The following ISL2 variants were observed in gnomAD, a reference collection of about 807,000 sequenced individuals.
ISL2 encodes insulin gene enhancer protein ISL-2.
ISL2 carries 17 observed loss-of-function variants against 34.6 expected under a neutral mutation model. The observed-to-expected ratio is 0.49, with a 90% CI of 0.34 to 0.74. The LOEUF (loss-of-function observed/expected upper bound fraction) is 0.74. Among genes scored for constraint, ISL2 ranks in the 30% least tolerant of loss-of-function variants. The pLI is 0.01. For missense variants in ISL2, 469 were observed against 515.2 expected (o/e 0.91, Z 0.87); for synonymous variants, 232 against 225.5 (o/e 1.03, Z -0.26).
At position 76,340,398 on chromosome 15, in the gene ISL2, G is replaced by A. The variant is rs868732634; in HGVS notation, c.634G>A (p.Ala212Thr). Reference sequence around the variant, plus strand: ...GCACACTCTGCGGACCTGCTACGCCGCCAACCCGCGGCCCGACGCTCTCAT... The same window carrying A: ...GCACACTCTGCGGACCTGCTACGCCACCAACCCGCGGCCCGACGCTCTCAT... ...QLHTLRTCYA[A>T]NPRPDALMKE... Residue 212 changes from alanine (A) to threonine (T), a missense_variant, in exon 4 of 6, where the codon GCC (alanine) becomes ACC (threonine). Around this residue, in one of 3 missense-constraint regions of ISL2, gnomAD observed 297 missense variants for 337.8 expected, o/e 0.88. Transcript: ENST00000290759. The A allele has an allele frequency of 6.2e-7, 1 of 1,613,650 alleles. No individual in the cohort carries two copies. Among genetic ancestry groups the A allele is most frequent in the Non-Finnish European group, 8.5e-7 (1 of 1,179,980 alleles).
At position 76,341,286 on chromosome 15, in the gene ISL2, C is replaced by T. The variant is rs115363632; in HGVS notation, c.948C>T (p.Pro316=). 3.3e-5 allele frequency: 53 copies of T among 1,602,366 alleles called. No individual in the cohort carries two copies. In the East Asian group the frequency reaches 4.0e-4, roughly 12 times the overall value. Residue 316 remains proline, a synonymous_variant, in exon 5 of 6, where the codon CCC becomes CCT. Transcript: ENST00000290759. ...EFALQSDLDQ[P]AFQQLVSFSE... is the part of the protein sequence containing the mutation. Reference sequence around the variant, plus strand: ...CCCTCCAGAGCGACCTGGACCAACCCGCCTTCCAACAGCTGGTGAGGCCCT... The same window carrying T: ...CCCTCCAGAGCGACCTGGACCAACCTGCCTTCCAACAGCTGGTGAGGCCCT...
Position 76,337,927 on chromosome 15 carries a change from G to C in ISL2, c.208G>C (p.Val70Leu). 1 of 1,610,520 alleles carries C rather than the reference G, an allele frequency of 6.2e-7. No individual in the cohort carries two copies. The highest frequency in any genetic ancestry group is 2.2e-5 in the East Asian group (1 of 44,602). Reference protein sequence around the residue: ...QYLDETCTCFVRDGKTYCKRD... With the variant: ...QYLDETCTCFLRDGKTYCKRD... ...CCTGGACGAGACGTGCACGTGCTTC[G>C]TGAGAGACGGGAAGACCTACTGCAA... Residue 70 changes from valine to leucine, a missense_variant, in exon 2 of 6, where the codon GTG becomes CTG. By Grantham distance (32) the Val-to-Leu change is conservative. Around this residue, in one of 3 missense-constraint regions of ISL2, gnomAD observed 297 missense variants for 337.8 expected, o/e 0.88. Transcript: ENST00000290759.
chr15:76,338,955 G>C lies in ISL2; in HGVS notation c.511+441G>C, dbSNP rs576302861. 18 of 985,430 alleles carry C rather than the reference G, an allele frequency of 1.8e-5. No homozygotes were observed. In the East Asian group the frequency reaches 9.1e-4, roughly 50 times the overall value. 61.0% of individuals were successfully genotyped at this position (985,430 alleles called of 1,614,324 possible). ...CAAACTGGGAGCTGGGCAGGAGCTT[G>C]GTCAGCCAGGAGCCAAGAACCCAAC... On this transcript the variant is annotated intron_variant, in intron 3 of 5. Transcript: ENST00000290759.
chr15:76,339,826 C>T (rs563462724), intron 3 of ISL2: 1 of 1,001,784 alleles, frequency 1.0e-6, no homozygotes, highest in East Asian at 1.1e-4. Context: ...GCACCTCCCA[C>T]CCAGTCCCCT....
At chr15:76,340,237 G>GGCCC in intron 3 of ISL2, 39 bp from the exon 4 acceptor site, 1 of 1,499,958 alleles carries the variant, frequency 6.7e-7, no homozygotes, top group Non-Finnish European at 8.9e-7. Flanking sequence ...GGTGGGTGGC[G>GGCCC]GCCCCTCGCT....
chr15:76,341,560 C>T (rs1490992775), intron 5 of ISL2, among the ~76,000 whole-genome samples, 159 bp from the exon 6 acceptor site: 2 of 152,252 alleles, frequency 1.3e-5, no homozygotes, highest in Non-Finnish European at 2.9e-5. Flanking sequence ...CCTAATCCCC[C>T]CCTCGTGCGC....
chr15:76,339,747 A>C (rs1424637094), intron 3 of ISL2: 11 of 989,260 alleles, frequency 1.1e-5, no homozygotes, highest in Non-Finnish European at 1.2e-5. Flanking sequence ...TCTTCTACAC[A>C]TGTGGCCTGG....
At position 76,336,909 on chromosome 15, in the gene ISL2, C is replaced by T. The variant is rs148510226; in HGVS notation, c.26C>T (p.Pro9Leu). MVDIIFHYPFLGAMGDHSK... is the reference protein window; with the variant it reads MVDIIFHYLFLGAMGDHSK... ...ATGGTGGATATTATTTTTCATTATCCTTTTCTGGGTGCTATGGGTGATCAT... is the reference window on the plus strand; with the variant it reads ...ATGGTGGATATTATTTTTCATTATCTTTTTCTGGGTGCTATGGGTGATCAT... Residue 9 changes from proline (P) to leucine (L), a missense_variant, in exon 1 of 6, where the codon CCT (proline) becomes CTT (leucine). Around this residue, in one of 3 missense-constraint regions of ISL2, gnomAD observed 297 missense variants for 337.8 expected, o/e 0.88. Transcript: ENST00000290759. 2 of 1,613,238 alleles carry T rather than the reference C, an allele frequency of 1.2e-6. No homozygotes were observed. The highest frequency in any genetic ancestry group is 8.5e-7 in the Non-Finnish European group (1 of 1,179,258).
Position 76,337,945 on chromosome 15 carries a change from T to C in ISL2, c.226T>C (p.Tyr76His). The C allele has an allele frequency of 6.2e-7, 1 of 1,606,936 alleles. No homozygotes were observed. The highest frequency in any genetic ancestry group is 1.1e-5 in the South Asian group (1 of 90,394). Residue 76 changes from tyrosine (Y) to histidine (H), a missense_variant, in exon 2 of 6, where the codon TAC (tyrosine) becomes CAC (histidine). Physicochemically the swap from Tyr to His is moderately conservative, Grantham distance 83. Transcript: ENST00000290759. ...CTCFVRDGKTYCKRDYVRLFG... is the reference protein window; with the variant it reads ...CTCFVRDGKTHCKRDYVRLFG... ...GTGCTTCGTGAGAGACGGGAAGACC[T>C]ACTGCAAGCGGGACTATGTCAGGTG...
In ISL2 at chr15:76,340,472, C is replaced by A; in HGVS notation, c.708C>A (p.Arg236=). 4 of 1,613,838 alleles carry A rather than the reference C, an allele frequency of 2.5e-6. No individual in the cohort carries two copies. Among genetic ancestry groups the A allele is most frequent in the Non-Finnish European group, 3.4e-6 (4 of 1,180,000 alleles). The change falls in exon 4 of 6, where the codon CGC becomes CGA. Residue 236 remains arginine, a synonymous_variant. Transcript: ENST00000290759. Reference sequence around the variant, plus strand: ...CCGGCCTGAGCCCGCGGGTCATCCGCGTCTGGTTCCAGAACAAGCGCTGCA... The same window carrying A: ...CCGGCCTGAGCCCGCGGGTCATCCGAGTCTGGTTCCAGAACAAGCGCTGCA... ...EMTGLSPRVI[R]VWFQNKRCKD...
Position 76,341,165 on chromosome 15 carries a change from T to A in ISL2, c.827T>A (p.Val276Glu). Residue 276 changes from valine to glutamate, a missense_variant, in exon 5 of 6, where the codon GTG becomes GAG. Val to Glu is a moderately radical substitution (Grantham distance 121). Transcript: ENST00000290759. ...CAGGGACTGACTGGGACGCCCCTGG[T>A]GGCGGGCAGTCCCATCCGCCATGAG... ...SLQGLTGTPL[V>E]AGSPIRHENA... 6.2e-7 allele frequency: 1 copy of A among 1,611,438 alleles called. No individual in the cohort carries two copies. Among genetic ancestry groups the A allele is most frequent in the Non-Finnish European group, 8.5e-7 (1 of 1,179,274 alleles).
At position 76,341,130 on chromosome 15, in the gene ISL2, G is replaced by A. The variant is rs1405995190; in HGVS notation, c.796-4G>A. ...GCACCTACTGCCTTCTGCTTGCCCC[G>A]CAGAGCCTTCAGGGACTGACTGGGA... On this transcript the variant is annotated splice_region_variant and splice_polypyrimidine_tract_variant and intron_variant, in intron 4 of 5. Coordinates refer to ENST00000290759, the MANE Select transcript of ISL2 (RefSeq NM_145805.3). 6.4e-6 allele frequency: 10 copies of A among 1,572,224 alleles called. No individual in the cohort carries two copies. The highest frequency in any genetic ancestry group is 1.7e-4 in the Middle Eastern group (1 of 5,892).
chr15:76,339,511 C>T (rs554845460), intron 3 of ISL2: 4 of 985,540 alleles, frequency 4.1e-6, no homozygotes, highest in Admixed American at 6.1e-5. Context: ...TTGTTTGTTT[C>T]GGGCTTCAGG....
Position 76,340,412 on chromosome 15 carries a change from C to T in ISL2, c.648C>T (p.Pro216=), listed in dbSNP as rs758681249. 34 of 1,613,712 alleles carry T rather than the reference C, an allele frequency of 2.1e-5. No homozygotes were observed. Among genetic ancestry groups the T allele is most frequent in the Non-Finnish European group, 2.6e-5 (31 of 1,179,990 alleles). ...CCTGCTACGCCGCCAACCCGCGGCCCGACGCTCTCATGAAGGAGCAGCTGG... is the reference window on the plus strand; with the variant it reads ...CCTGCTACGCCGCCAACCCGCGGCCTGACGCTCTCATGAAGGAGCAGCTGG... The part of the protein sequence containing the change: ...LRTCYAANPR[P]DALMKEQLVE... The change falls in exon 4 of 6, where the codon CCC becomes CCT. Residue 216 remains proline, a synonymous_variant. Coordinates refer to ENST00000290759, the MANE Select transcript of ISL2 (RefSeq NM_145805.3).
At chr15:76,341,608 C>A (rs987565387) in intron 5 of ISL2, 111 bp from the exon 6 acceptor site, 29 of 849,396 alleles carry the variant, frequency 3.4e-5, no homozygotes, top group Non-Finnish European at 5.0e-5. Flanking sequence ...GGCTTGCTCT[C>A]AGCTGGCGGC....
chr15:76,336,847 C>T lies in ISL2; in HGVS notation c.-37C>T, dbSNP rs760405140. ...GGGCGCGCGACCCTCGTCCTTCTGC[C>T]CCTGGCCGCACACTTTGCGCACATC... On this transcript the variant is annotated 5_prime_UTR_variant, in exon 1 of 6. Coordinates refer to ENST00000290759, the MANE Select transcript of ISL2 (RefSeq NM_145805.3). 1 of 1,593,878 alleles carries T rather than the reference C, an allele frequency of 6.3e-7. No individual in the cohort carries two copies.
In ISL2 at chr15:76,336,816, G is replaced by C; in HGVS notation, c.-68G>C. ...AGTAGGAGTTAGTTAGCAAAGAGCC[G>C]AGGCCGGGCGCGCGACCCTCGTCCT... is the stretch of plus-strand genomic sequence containing the variant. On this transcript the variant is annotated 5_prime_UTR_variant, in exon 1 of 6. Transcript: ENST00000290759. 1 of 1,419,128 alleles carries C rather than the reference G, an allele frequency of 7.0e-7. No individual in the cohort carries two copies. The highest frequency in any genetic ancestry group is 1.0e-6 in the Non-Finnish European group (1 of 1,003,234). The allele number at this position is 1,419,128 out of a possible 1,614,324, so 87.9% of individuals were successfully genotyped here.
intron 1 of ISL2, among the ~76,000 whole-genome samples, chr15:76,337,269 T>C (rs2040157973): frequency 1.3e-5 from 2 of 149,930 alleles, no homozygotes; most frequent in Non-Finnish European, 3.0e-5. Flanking sequence ...GCCTTTCGGT[T>C]TTTCAAAGCT....
rs1596240501 is a variant in ISL2, at chr15:76,340,183, C to T, written c.512-93C>T. 8 of 1,433,596 alleles carry T rather than the reference C, an allele frequency of 5.6e-6. No homozygotes were observed. The East Asian group carries it at 1.0e-4, about 18-fold the overall frequency. 88.8% of individuals were successfully genotyped at this position (1,433,596 alleles called of 1,614,324 possible). A position where few individuals can be genotyped will look rare whatever the true frequency, so the allele number is the denominator to read the frequency against. ...AAACAGAATAAAACAGAAACGAAAT[C>T]GGGCCCCGGGGGGCTGGGCCACCCG... is the stretch of plus-strand genomic sequence containing the variant. On this transcript the variant is annotated intron_variant, in intron 3 of 5. Transcript: ENST00000290759.
Sources: allele counts gnomAD v4.1 joint callset (sites outside exome capture counted in the v4.1 genomes callset), GRCh38; gene constraint gnomAD v4.1.1; regional missense constraint gnomAD v4.1.1; transcripts MANE v1.5; gene names NCBI Gene and HGNC (gene_info 2026-07-23, HGNC 2026-07-21).